The following TEX9 variants were observed in gnomAD, a reference collection of about 807,000 sequenced individuals.
TEX9 encodes the protein testis expressed 9.
TEX9 carries 74 observed loss-of-function variants against 59.6 expected under a neutral mutation model. The ratio of observed to expected loss-of-function variants is 1.24; its 90% CI spans 1.03 to 1.51. The LOEUF is 1.51. TEX9 is among the 40% of genes most tolerant of loss of function. The pLI, the probability that TEX9 is intolerant of heterozygous loss-of-function variation, is 0.00. For missense variants in TEX9, 522 were observed against 447.8 expected (o/e 1.17, Z -1.49); for synonymous variants, 186 against 152.2 (o/e 1.22, Z -1.64).
intron 10 of TEX9, among the ~76,000 whole-genome samples, chr15:56,413,443 G>T (rs552996859): frequency 4.6e-5 from 7 of 150,888 alleles, no homozygotes; most frequent in African/African-American, 1.5e-4. Flanking sequence ...AACATTTTAA[G>T]CATATAGTTC....
At chr15:56,419,580 ATTGCAC>A (rs1420917884) in intron 10 of TEX9, among the ~76,000 whole-genome samples, 1 of 151,774 alleles carries the variant, frequency 6.6e-6, no homozygotes, top group Non-Finnish European at 1.5e-5. Context: ...CCTGGGATAT[ATTGCAC>A]TTGGTGATGG....
chr15:56,339,698 A>T (rs1369195857), intron 1 of TEX9, among the ~76,000 whole-genome samples: 2 of 152,106 alleles, frequency 1.3e-5, no homozygotes, highest in South Asian at 2.1e-4. Flanking sequence ...TTATATGTTG[A>T]AACCTACTCC....
chr15:56,297,545 C>T (rs1345458979), intron 1 of TEX9, among the ~76,000 whole-genome samples: 11 of 152,190 alleles, frequency 7.2e-5, no homozygotes, highest in Non-Finnish European at 1.3e-4. Flanking sequence ...CACTCTGTTG[C>T]CCAGGCTGGA....
chr15:56,340,232 G>A (rs1260621507), intron 1 of TEX9, among the ~76,000 whole-genome samples: 1 of 152,094 alleles, frequency 6.6e-6, no homozygotes, highest in Non-Finnish European at 1.5e-5. Flanking sequence ...TCTGCCAATT[G>A]CTAAGTATAT....
intron 1 of TEX9, among the ~76,000 whole-genome samples, chr15:56,269,511 G>T (rs1474020145): frequency 1.3e-5 from 2 of 152,078 alleles, no homozygotes; most frequent in African/African-American, 4.8e-5. Flanking sequence ...AGAGATTCTG[G>T]TACGTTATGC....
chr15:56,251,984 C>T (rs551019114), intron 1 of TEX9, among the ~76,000 whole-genome samples: 6 of 152,200 alleles, frequency 3.9e-5, no homozygotes, highest in Admixed American at 3.3e-4. Flanking sequence ...TCATTACTTC[C>T]TTAGTTTAGT....
At chr15:56,261,847 G>A (rs1203846592) in intron 1 of TEX9, among the ~76,000 whole-genome samples, 1 of 152,150 alleles carries the variant, frequency 6.6e-6, no homozygotes, top group African/African-American at 2.4e-5. Flanking sequence ...TGAGATAGCC[G>A]ACCCAAGGAA....
chr15:56,444,350 A>T, intron 12 of TEX9: 1 of 1,004,004 alleles, frequency 1.0e-6, no homozygotes, highest in Non-Finnish European at 1.4e-6. Flanking sequence ...ACTATGTATT[A>T]GGCACTGTTC....
At position 56,354,194 on chromosome 15, in the gene TEX9, A is replaced by G. The variant is rs140443535; in HGVS notation, c.-106-19247A>G. On this transcript the variant is annotated intron_variant, in intron 1 of 5. Coordinates refer to the TEX9 transcript ENST00000560827. ...GGACAGAGACAGGAATCATTATTAC[A>G]TTAATACTCAGATGTCACTGGCTTT... 2.7e-3 allele frequency among the ~76,000 whole-genome samples: 416 copies of G among 152,344 alleles called. 4 individuals carry two copies. The highest frequency in any genetic ancestry group is 9.5e-3 in the African/African-American group (395 of 41,572).
rs1362681638 is a variant in TEX9 at position 56,249,901 on chromosome 15, G to A, written c.-107+5623G>A. 2.6e-5 allele frequency among the ~76,000 whole-genome samples: 4 copies of A among 152,034 alleles called. No individual in the cohort carries two copies. The East Asian group carries it at 5.8e-4, about 22-fold the overall frequency. On this transcript the variant is annotated intron_variant, in intron 1 of 5. Coordinates refer to the TEX9 transcript ENST00000560827. ...CAGGGAGATACTCTAACCTCATATG[G>A]ATGCACAATGCCATTAGGGAGGCTG...
intron 10 of TEX9, among the ~76,000 whole-genome samples, chr15:56,427,185 G>C (rs530756687): frequency 1.3e-5 from 2 of 152,170 alleles, no homozygotes; most frequent in Non-Finnish European, 2.9e-5. Context: ...GTTGAATGTG[G>C]ATCTCAACCA....
At chr15:56,277,443 T>G (rs2044700381) in intron 1 of TEX9, among the ~76,000 whole-genome samples, 1 of 152,174 alleles carries the variant, frequency 6.6e-6, no homozygotes, top group Non-Finnish European at 1.5e-5. Flanking sequence ...CCTTTCCCCA[T>G]TGGTTGTTTT....
At chr15:56,314,473 T>C (rs2045705618) in intron 1 of TEX9, among the ~76,000 whole-genome samples, 1 of 130,510 alleles carries the variant, frequency 7.7e-6, no homozygotes, top group African/African-American at 2.9e-5. Context: ...AGTGAGATTC[T>C]TAATCCTGAG....
chr15:56,375,145 T>C lies in TEX9; in HGVS notation c.183+1641T>C, dbSNP rs1018918283. On this transcript the variant is annotated intron_variant, in intron 3 of 12. Coordinates refer to ENST00000352903, the Ensembl canonical transcript of TEX9. The stretch of plus-strand genomic sequence containing the variant: ...CAGTCCCACCAACAGTGTAAAAGTG[T>C]TCCTATTTCTCCACATCCTCTCCAG... Among the ~76,000 whole-genome samples the C allele has an allele frequency of 5.9e-5, 9 of 152,222 alleles. No individual in the cohort carries two copies. The South Asian group carries it at 1.9e-3, about 32-fold the overall frequency.
At chr15:56,306,806 T>C (rs2045495362) in intron 1 of TEX9, among the ~76,000 whole-genome samples, 2 of 152,238 alleles carry the variant, frequency 1.3e-5, no homozygotes, top group Admixed American at 1.3e-4. Flanking sequence ...ATACCCCATT[T>C]ACTCTGATGT....
At chr15:56,288,491 A>G (rs1463446463) in intron 1 of TEX9, among the ~76,000 whole-genome samples, 1 of 152,096 alleles carries the variant, frequency 6.6e-6, no homozygotes, top group Non-Finnish European at 1.5e-5. Context: ...TTATTACTGA[A>G]GGATACGTCT....
At chr15:56,289,082 A>G (rs2045023961) in intron 1 of TEX9, among the ~76,000 whole-genome samples, 2 of 152,166 alleles carry the variant, frequency 1.3e-5, no homozygotes, top group South Asian at 4.1e-4. Flanking sequence ...TTAAAATATA[A>G]TTTCAATCTC....
At chr15:56,365,547 T>A in intron 1 of TEX9, 32 bp from the exon 2 acceptor site, 2 of 1,614,200 alleles carry the variant, frequency 1.2e-6, no homozygotes, top group Non-Finnish European at 1.7e-6. Flanking sequence ...TTCCTTTAAC[T>A]TCGGGTCTGA....
At position 56,400,770 on chromosome 15, in the gene TEX9, G is replaced by T. The variant is rs189335055; in HGVS notation, c.828+5936G>T. ...GTTACCCACAAAGGGAAGCCCATCA[G>T]ACTAACGGGAGATCTCTCAGCAGAA... On this transcript the variant is annotated intron_variant, in intron 9 of 12. Transcript: ENST00000352903. 2.0e-3 allele frequency among the ~76,000 whole-genome samples: 307 copies of T among 152,340 alleles called. 5 individuals carry two copies. The highest frequency in any genetic ancestry group is 7.0e-3 in the African/African-American group (293 of 41,580).
Sources: gnomAD v4.1 joint callset for allele counts (sites outside exome capture counted in the v4.1 genomes callset) on GRCh38, gnomAD v4.1.1 for gene constraint, MANE v1.5 for transcripts, NCBI Gene and HGNC (gene_info 2026-07-23, HGNC 2026-07-21) for gene names.